CADPS2: variants seen among roughly 807,000 people sequenced by gnomAD.
CADPS2 encodes the protein calcium dependent secretion activator 2.
A neutral mutation model predicts 172.5 loss-of-function variants in CADPS2; 93 were observed. The ratio of observed to expected loss-of-function variants is 0.54; its 90% CI spans 0.46 to 0.64. CADPS2 has a LOEUF of 0.64. Among genes scored for constraint, CADPS2 ranks in the 30% least tolerant of loss-of-function variants. The pLI, the probability that CADPS2 is intolerant of heterozygous loss-of-function variation, is 0.00. For missense variants in CADPS2, 1,420 were observed against 1,565.9 expected (o/e 0.91, Z 1.57); for synonymous variants, 546 against 555.2 (o/e 0.98, Z 0.23).
rs111407754 is a variant in CADPS2, at chr7:122,571,159, A to G, written c.1335+10020T>C. Among the ~76,000 whole-genome samples the G allele has an allele frequency of 9.1e-3, 1,385 of 152,256 alleles. 8 individuals carry two copies. The highest frequency in any genetic ancestry group is 0.014 in the Non-Finnish European group (921 of 68,002). ...CCTTTCCAAATTCAAAAATGAGAAA[A>G]CAAGCAACCCAGTTAAAAACTGGGG... On this transcript the variant is annotated intron_variant, in intron 7 of 29. Transcript: ENST00000449022.
At chr7:122,479,088 A>G (rs1460991125) in intron 12 of CADPS2, among the ~76,000 whole-genome samples, 1 of 152,132 alleles carries the variant, frequency 6.6e-6, no homozygotes, top group Non-Finnish European at 1.5e-5. Context: ...TGAAAAAAGG[A>G]GGCCATTTTT....
chr7:122,776,222 G>C (rs1207254027), intron 1 of CADPS2, among the ~76,000 whole-genome samples: 1 of 152,054 alleles, frequency 6.6e-6, no homozygotes, highest in Non-Finnish European at 1.5e-5. Context: ...TCTCATGATA[G>C]TGAATAAATC....
chr7:122,399,744 T>C (rs1188982932), intron 20 of CADPS2, among the ~76,000 whole-genome samples: 2 of 130,030 alleles, frequency 1.5e-5, no homozygotes, highest in Non-Finnish European at 3.1e-5. Context: ...TGGAGTGCAG[T>C]GGCGCGATCT....
intron 8 of CADPS2, among the ~76,000 whole-genome samples, chr7:122,539,371 G>A (rs998898230): frequency 5.9e-5 from 9 of 152,164 alleles, no homozygotes; most frequent in African/African-American, 1.7e-4. Context: ...GGACTTTCCA[G>A]CTTCTAAAAC....
In CADPS2 at chr7:122,436,268, T is replaced by TTGCC. The variant is rs1213596219; in HGVS notation, c.2476+2069_2476+2072dup. ...GTTGTGTACATTAAATATGTACAGCTTGCCTGTCAATCATGTCTCAACAAA... is the reference window on the plus strand; with the variant it reads ...GTTGTGTACATTAAATATGTACAGCTTGCCTGCCTGTCAATCATGTCTCAACAAA... On this transcript the variant is annotated intron_variant, in intron 17 of 29. Coordinates refer to ENST00000449022, the MANE Select transcript of CADPS2 (RefSeq NM_017954.11). The TTGCC allele has an allele frequency of 1.7e-5, 11 of 656,356 alleles. 1 individual carries two copies. The highest frequency in any genetic ancestry group is 2.3e-5 in the Non-Finnish European group (10 of 441,744). 40.7% of individuals were successfully genotyped at this position (656,356 alleles called of 1,614,324 possible). A position where few individuals can be genotyped will look rare whatever the true frequency, so the allele number is the denominator to read the frequency against.
intron 27 of CADPS2, 61 bp downstream of exon 27, chr7:122,360,727 A>AAT: frequency 2.8e-6 from 4 of 1,452,698 alleles, no homozygotes; most frequent in Non-Finnish European, 2.8e-6. Flanking sequence ...ACCCATGATG[A>AAT]ACTGCAATTT....
chr7:122,851,100 C>A (rs1024827871), intron 1 of CADPS2, among the ~76,000 whole-genome samples: 3 of 152,208 alleles, frequency 2.0e-5, no homozygotes, highest in Non-Finnish European at 4.4e-5. Flanking sequence ...CATGTGCATT[C>A]ATTTGGGTTG....
chr7:122,521,485 TG>T (rs1252409018), intron 8 of CADPS2, among the ~76,000 whole-genome samples: 7 of 50,412 alleles, frequency 1.4e-4, no homozygotes, highest in Non-Finnish European at 2.4e-4. Flanking sequence ...GGGGGTGAGG[TG>T]GGGGGGCTTG....
intron 2 of CADPS2, chr7:122,698,378 T>C (rs2085470924): frequency 1.2e-6 from 2 of 1,613,778 alleles, no homozygotes; most frequent in African/African-American, 1.3e-5. Context: ...ATGTGCTTTC[T>C]CCCCACCTCA....
At chr7:122,667,477 C>A (rs2081301824) in intron 2 of CADPS2, among the ~76,000 whole-genome samples, 1 of 152,098 alleles carries the variant, frequency 6.6e-6, no homozygotes, top group Admixed American at 6.5e-5. Context: ...ATACTCAATC[C>A]AATTAGATGT....
intron 6 of CADPS2, among the ~76,000 whole-genome samples, chr7:122,599,668 G>T (rs1204106606): frequency 6.6e-6 from 1 of 152,080 alleles, no homozygotes; most frequent in Non-Finnish European, 1.5e-5. Flanking sequence ...GTCAACCGTA[G>T]AATTTATTTT....
At chr7:122,739,267 T>G (rs944583430) in intron 1 of CADPS2, among the ~76,000 whole-genome samples, 2 of 152,228 alleles carry the variant, frequency 1.3e-5, no homozygotes, top group African/African-American at 2.4e-5. Context: ...GAGACCTTAC[T>G]GATCACTTGT....
intron 3 of CADPS2, among the ~76,000 whole-genome samples, chr7:122,632,164 A>G (rs555673985): frequency 8.5e-5 from 13 of 152,316 alleles, no homozygotes; most frequent in South Asian, 4.1e-4. Flanking sequence ...GTCAATGACC[A>G]TATGGGTGCA....
chr7:122,695,218 C>T (rs576623664), intron 2 of CADPS2, among the ~76,000 whole-genome samples: 13 of 152,220 alleles, frequency 8.5e-5, no homozygotes, highest in Middle Eastern at 3.4e-3. Flanking sequence ...AGTTGAAATG[C>T]GTTAGAATAT....
At chr7:122,560,624 T>G (rs1032635633) in intron 7 of CADPS2, among the ~76,000 whole-genome samples, 1 of 152,168 alleles carries the variant, frequency 6.6e-6, no homozygotes, top group Non-Finnish European at 1.5e-5. Flanking sequence ...TACAAACAGG[T>G]GTCCTTGAGA....
intron 1 of CADPS2, among the ~76,000 whole-genome samples, chr7:122,762,083 AGTGTATATATGTGTAATATACAT>A (rs1385033363): frequency 6.6e-6 from 1 of 150,486 alleles, no homozygotes; most frequent in Non-Finnish European, 1.5e-5. Context: ...TATATATAAA[AGTGTATATATGTGTAATATACAT>A]GTGTATATAT....
intron 2 of CADPS2, among the ~76,000 whole-genome samples, chr7:122,734,135 T>C (rs943623733): frequency 6.6e-6 from 1 of 151,624 alleles, no homozygotes; most frequent in South Asian, 2.1e-4. Flanking sequence ...GCTCTGCTTT[T>C]AATTAGCTAT....
chr7:122,782,186 C>T (rs1325444691), intron 1 of CADPS2, among the ~76,000 whole-genome samples: 1 of 152,072 alleles, frequency 6.6e-6, no homozygotes, highest in Non-Finnish European at 1.5e-5. Context: ...AGCAAATTTC[C>T]ATAATTCTAC....
At chr7:122,611,800 C>A in intron 6 of CADPS2, among the ~76,000 whole-genome samples, 1 of 151,868 alleles carries the variant, frequency 6.6e-6, no homozygotes. Flanking sequence ...AATATAGAGG[C>A]CAAAAACTTC....
Sources: gnomAD v4.1 joint callset for allele counts (sites outside exome capture counted in the v4.1 genomes callset) on GRCh38, gnomAD v4.1.1 for gene constraint, MANE v1.5 for transcripts, NCBI Gene and HGNC (gene_info 2026-07-23, HGNC 2026-07-21) for gene names.